Variants in CELSR1 observed in about 807,000 individuals in gnomAD.
The protein encoded by CELSR1 is cadherin EGF LAG seven-pass G-type receptor 1, also known as adhesion G protein-coupled receptor C1.
CELSR1 carries 110 observed loss-of-function variants against 249.1 expected under a neutral mutation model. The observed-to-expected ratio is 0.44, with a 90% CI of 0.38 to 0.52. The LOEUF (loss-of-function observed/expected upper bound fraction) is 0.52, where lower values mean the gene tolerates loss of function less well. CELSR1 is among the 20% of genes least tolerant of loss of function. The pLI is 0.00. For synonymous variants in CELSR1, 2,113 were observed against 1,900.0 expected (o/e 1.11, Z -2.92); for missense variants, 4,109 against 4,296.4 (o/e 0.96, Z 1.22).
intron 1 of CELSR1, among the ~76,000 whole-genome samples, chr22:46,478,271 G>A (rs2080230181): frequency 6.6e-6 from 1 of 152,228 alleles, no homozygotes; most frequent in African/African-American, 2.4e-5. Context: ...CTGGGCCAAA[G>A]GGGAGCCATT....
chr22:46,523,734 G>A (rs1305830767), intron 1 of CELSR1, among the ~76,000 whole-genome samples: 1 of 151,904 alleles, frequency 6.6e-6, no homozygotes, highest in African/African-American at 2.4e-5. Flanking sequence ...CTCCTCATCT[G>A]GTATCTCCCT....
intron 5 of CELSR1, among the ~76,000 whole-genome samples, chr22:46,421,630 T>C (rs1180891276): frequency 2.0e-5 from 3 of 152,216 alleles, no homozygotes; most frequent in African/African-American, 7.2e-5. Context: ...CTGCACCACC[T>C]TTCTGGCAGA....
chr22:46,478,948 G>A (rs975740377), intron 1 of CELSR1, among the ~76,000 whole-genome samples: 6 of 151,970 alleles, frequency 3.9e-5, no homozygotes, highest in South Asian at 2.1e-4. Context: ...ACTGCTCACC[G>A]CAGGCCCAGG....
chr22:46,390,587 T>A lies in CELSR1; in HGVS notation c.6251-101A>T. On this transcript the variant is annotated intron_variant, in intron 16 of 34. Transcript: ENST00000674500. The surrounding 1 kb of genome is among the most constrained non-coding windows in gnomAD (Gnocchi z 6.3). Reference sequence around the variant, plus strand: ...CTGAATATACTTAAACCCAGAACACTGCGTGGTGGTTAGAACCCCATGGGG... The same window carrying A: ...CTGAATATACTTAAACCCAGAACACAGCGTGGTGGTTAGAACCCCATGGGG... 1 of 968,388 alleles carries A rather than the reference T, an allele frequency of 1.0e-6. No homozygotes were observed. The highest frequency in any genetic ancestry group is 1.6e-6 in the Non-Finnish European group (1 of 639,374). 60.0% of individuals were successfully genotyped at this position (968,388 alleles called of 1,614,324 possible).
chr22:46,536,022 G>A lies in CELSR1; in HGVS notation c.1149C>T (p.Pro383=), dbSNP rs757458691. The A allele has an allele frequency of 3.1e-5, 50 of 1,610,434 alleles. No homozygotes were observed. The highest frequency in any genetic ancestry group is 1.6e-4 in the Middle Eastern group (1 of 6,084). Residue 383 remains proline, a synonymous_variant, in exon 1 of 35, where the codon CCC becomes CCT. Transcript: ENST00000674500. The part of the protein sequence containing the change: ...LTIRASDRDS[P]INANLRYRVL... ...CGCGGTAACGCAAGTTGGCGTTGAT[G>A]GGCGAGTCGCGGTCGCTGGCGCGGA...
Position 46,409,732 on chromosome 22 carries a change from G to A in CELSR1, c.5059+23C>T, listed in dbSNP as rs746961962. 3.1e-6 allele frequency: 5 copies of A among 1,610,844 alleles called. No homozygotes were observed. Among genetic ancestry groups the A allele is most frequent in the Admixed American group, 1.7e-5 (1 of 60,004 alleles). ...CCTCCCAGGCCGCCGTGACCGGGGG[G>A]ATGGACGACGCCGGCCACTCACCTT... On this transcript the variant is annotated intron_variant, in intron 8 of 34. Transcript: ENST00000674500. This position sits in a 1 kb window ranked among gnomAD's most constrained non-coding sequence, Gnocchi z 9.8.
At position 46,454,849 on chromosome 22, in the gene CELSR1, C is replaced by G. The variant is rs1276619180; in HGVS notation, c.4183+8858G>C. Among the ~76,000 whole-genome samples the G allele has an allele frequency of 6.6e-6, 1 of 152,248 alleles. No homozygotes were observed. Among genetic ancestry groups the G allele is most frequent in the Non-Finnish European group, 1.5e-5 (1 of 68,056 alleles). ...TCCTTAGCTCCTCAGCGAAGGAGCA[C>G]CCACGGCTGAATTGTGTCCCCAGAA... is the stretch of plus-strand genomic sequence containing the variant. On this transcript the variant is annotated intron_variant, in intron 2 of 34. Coordinates refer to ENST00000674500, the MANE Select transcript of CELSR1 (RefSeq NM_001378328.1). This position sits in a 1 kb window ranked among gnomAD's most constrained non-coding sequence, Gnocchi z 5.1.
chr22:46,524,004 G>A (rs1007346708), intron 1 of CELSR1, among the ~76,000 whole-genome samples: 1 of 152,198 alleles, frequency 6.6e-6, no homozygotes, highest in Admixed American at 6.5e-5. Flanking sequence ...TCCCGTTTCA[G>A]GCAACGCAGT....
chr22:46,493,955 G>A (rs185473290), intron 1 of CELSR1, among the ~76,000 whole-genome samples: 4 of 152,126 alleles, frequency 2.6e-5, no homozygotes, highest in East Asian at 1.9e-4. Context: ...TTACTTCTCC[G>A]AGTAAGATGA....
intron 2 of CELSR1, among the ~76,000 whole-genome samples, chr22:46,457,063 C>A (rs2079963664): frequency 6.6e-6 from 1 of 152,176 alleles, no homozygotes; most frequent in Admixed American, 6.5e-5. Context: ...CCGACACTCC[C>A]GAAGTCCACG....
intron 1 of CELSR1, among the ~76,000 whole-genome samples, chr22:46,467,519 A>C (rs1301520275): frequency 6.6e-6 from 1 of 152,044 alleles, no homozygotes. Context: ...ATATATATAT[A>C]TATATAGAAA....
chr22:46,456,167 A>C (rs1484404350), intron 2 of CELSR1, among the ~76,000 whole-genome samples: 1 of 152,264 alleles, frequency 6.6e-6, no homozygotes, highest in Non-Finnish European at 1.5e-5. Flanking sequence ...GAATACTTGG[A>C]AGTGAAGCTT....
chr22:46,512,905 C>T lies in CELSR1; in HGVS notation c.3544+20722G>A, dbSNP rs1003186280. ...TGTCCTCTGCTCCTGAGTGCTGCCC[C>T]GGGTGGCCCCGCATGGCAGGCGACG... On this transcript the variant is annotated intron_variant, in intron 1 of 34. Coordinates refer to ENST00000674500, the MANE Select transcript of CELSR1 (RefSeq NM_001378328.1). This position sits in a 1 kb window ranked among gnomAD's most constrained non-coding sequence, Gnocchi z 5.2. 2.6e-5 allele frequency among the ~76,000 whole-genome samples: 4 copies of T among 152,338 alleles called. No homozygotes were observed. The highest frequency in any genetic ancestry group is 5.9e-5 in the Non-Finnish European group (4 of 68,024).
At position 46,420,036 on chromosome 22, in the gene CELSR1, TCA is replaced by T. The variant is rs759428766; in HGVS notation, c.4612-8279_4612-8278del. Among the ~76,000 whole-genome samples, 12 of 147,420 alleles carry T rather than the reference TCA, an allele frequency of 8.1e-5. No homozygotes were observed. In the South Asian group the frequency reaches 8.6e-4, roughly 11 times the overall value. On this transcript the variant is annotated intron_variant, in intron 5 of 34. Coordinates refer to ENST00000674500, the MANE Select transcript of CELSR1 (RefSeq NM_001378328.1). ...AAAACCCACGTGCACTTACCGACAC[TCA>T]CACTCAAATGTGCACTCACCCACAC... is the stretch of plus-strand genomic sequence containing the variant.
In CELSR1 at chr22:46,411,798, T is replaced by G; in HGVS notation, c.4612-39A>C. 1 of 1,611,840 alleles carries G rather than the reference T, an allele frequency of 6.2e-7. No individual in the cohort carries two copies. The highest frequency in any genetic ancestry group is 8.5e-7 in the Non-Finnish European group (1 of 1,179,748). ...AAGCACAGAAGGTGTCAGCGTTTTCTCCACCAGTGCCCTCAGCAGGCGCAC... is the reference window on the plus strand; with the variant it reads ...AAGCACAGAAGGTGTCAGCGTTTTCGCCACCAGTGCCCTCAGCAGGCGCAC... On this transcript the variant is annotated intron_variant, in intron 5 of 34. Coordinates refer to ENST00000674500, the MANE Select transcript of CELSR1 (RefSeq NM_001378328.1). The surrounding 1 kb of genome is among the most constrained non-coding windows in gnomAD (Gnocchi z 4.2).
rs2079192597 is a variant in CELSR1 at position 46,399,864 on chromosome 22, G to A, written c.5265C>T (p.Gly1755=). 6.2e-7 allele frequency: 1 copy of A among 1,614,054 alleles called. No homozygotes were observed. The highest frequency in any genetic ancestry group is 1.3e-5 in the African/African-American group (1 of 74,944). Residue 1755 remains glycine, a synonymous_variant, in exon 10 of 35, where the codon GGC becomes GGT. Transcript: ENST00000674500. This position sits in a 1 kb window ranked among gnomAD's most constrained non-coding sequence, Gnocchi z 5.0. ...NNYLQFEVSH[G]PSDVESVMLS... The stretch of plus-strand genomic sequence containing the variant: ...GCATCACGGACTCCACATCGGAGGG[G>A]CCGTGGGACACCTCAAACTGGAGGT...
At position 46,429,452 on chromosome 22, in the gene CELSR1, T is replaced by C. The variant is rs1203535771; in HGVS notation, c.4611+3941A>G. Among the ~76,000 whole-genome samples, 1 of 152,232 alleles carries C rather than the reference T, an allele frequency of 6.6e-6. No homozygotes were observed. Among genetic ancestry groups the C allele is most frequent in the African/African-American group, 2.4e-5 (1 of 41,470 alleles). The stretch of plus-strand genomic sequence containing the variant: ...GCTGTGGGCGTGGGGGCTGTGTTGT[T>C]CATCTGTGCTTGGCGGAGCGCCACA... On this transcript the variant is annotated intron_variant, in intron 5 of 34. Coordinates refer to ENST00000674500, the MANE Select transcript of CELSR1 (RefSeq NM_001378328.1). The surrounding 1 kb of genome is among the most constrained non-coding windows in gnomAD (Gnocchi z 4.1).
intron 1 of CELSR1, among the ~76,000 whole-genome samples, chr22:46,470,175 T>A (rs927039697): frequency 5.9e-5 from 9 of 151,346 alleles, no homozygotes; most frequent in Admixed American, 5.9e-4. Context: ...TACTTCCTCG[T>A]GGCAGTTGTT....
At position 46,373,721 on chromosome 22, in the gene CELSR1, T is replaced by A. The variant is rs187312069; in HGVS notation, c.7585-664A>T. Among the ~76,000 whole-genome samples, 463 of 137,338 alleles carry A rather than the reference T, an allele frequency of 3.4e-3. 3 individuals are homozygous for A. The highest frequency in any genetic ancestry group is 5.4e-3 in the Non-Finnish European group (343 of 64,060). The allele number at this position is 137,338 out of a possible 152,430, so 90.1% of individuals were successfully genotyped here. ...GGGGAGATGGGGGAGATGGGGGAGA[T>A]GGGAGCAATGGGAGCAATAGGAGCA... On this transcript the variant is annotated intron_variant, in intron 24 of 34. Transcript: ENST00000674500.
Sources: gnomAD v4.1 joint callset for allele counts (sites outside exome capture counted in the v4.1 genomes callset) on GRCh38, gnomAD v4.1.1 for gene constraint, Gnocchi (gnomAD v3.1) non-coding constraint, MANE v1.5 for transcripts, NCBI Gene and HGNC (gene_info 2026-07-23, HGNC 2026-07-21) for gene names.